The following MATN1 variants were observed in gnomAD, a reference collection of about 807,000 sequenced individuals.
MATN1 encodes the protein matrilin 1.
In MATN1, 34 loss-of-function variants were observed where a neutral mutation model predicts 41.3. The observed-to-expected ratio is 0.82, with a 90% CI of 0.63 to 1.10. The LOEUF is 1.10. MATN1 is among the 50% of genes least tolerant of loss of function. The probability of loss-of-function intolerance (pLI) is 0.00; values close to 1 mark genes in which losing one functional copy is unlikely to be tolerated. For missense variants in MATN1, 602 were observed against 662.4 expected, an observed-to-expected ratio of 0.91 and a Z score of 1.00; for synonymous variants, 264 against 278.7, an observed-to-expected ratio of 0.95 and a Z score of 0.53.
Position 30,721,701 on chromosome 1 carries a change from A to G in MATN1, c.145T>C (p.Ser49Pro), listed in dbSNP as rs1478714038. 6.2e-7 allele frequency: 1 copy of G among 1,613,002 alleles called. No homozygotes were observed. Among genetic ancestry groups the G allele is most frequent in the Non-Finnish European group, 8.5e-7 (1 of 1,180,008 alleles). The stretch of plus-strand genomic sequence containing the variant: ...AATTCAACAGGCCGAACGCTGCGAG[A>G]GCTGTCGACAACAAACACCAGGTCT... ...PTDLVFVVDS[S>P]RSVRPVEFEK... Residue 49 changes from serine (S) to proline (P), a missense_variant, in exon 2 of 8, where the codon TCT becomes CCT. Ser to Pro is a moderately conservative substitution (Grantham distance 74). Coordinates refer to ENST00000373765, the MANE Select transcript of MATN1 (RefSeq NM_002379.3).
rs751915676 is a variant in MATN1, at chr1:30,717,642, G to GTTTTTTTTTTTTTT, written c.665-728_665-727insAAAAAAAAAAAAAA. Among the ~76,000 whole-genome samples, 7 of 109,990 alleles carry GTTTTTTTTTTTTTT rather than the reference G, an allele frequency of 6.4e-5. 3 individuals are homozygous for GTTTTTTTTTTTTTT. The highest frequency in any genetic ancestry group is 2.2e-4 in the African/African-American group (5 of 23,008). The allele number at this position is 109,990 out of a possible 152,430, so 72.2% of individuals were successfully genotyped here. A position where few individuals can be genotyped will look rare whatever the true frequency, so the allele number is the denominator to read the frequency against. ...GGCTCTGTTGTTTTTTGTGTGTGCG[G>GTTTTTTTTTTTTTT]TTTTTTTTTTTGTTTTGTTTTTTTT... On this transcript the variant is annotated intron_variant, in intron 3 of 7. Coordinates refer to ENST00000373765, the MANE Select transcript of MATN1 (RefSeq NM_002379.3).
At position 30,716,225 on chromosome 1, in the gene MATN1, G is replaced by T; in HGVS notation, c.891C>A (p.Phe297Leu). 1 of 1,614,170 alleles carries T rather than the reference G, an allele frequency of 6.2e-7. No individual in the cohort carries two copies. The highest frequency in any genetic ancestry group is 8.5e-7 in the Non-Finnish European group (1 of 1,180,042). Residue 297 changes from phenylalanine (F) to leucine (L), a missense_variant, in exon 5 of 8, where the codon TTC (phenylalanine) becomes TTA (leucine). Physicochemically the swap from Phe to Leu is conservative, Grantham distance 22 (BLOSUM62 0). Transcript: ENST00000373765. ...CCAGCGTATCCACGATCTGACTGAT[G>T]AACTTCTTCACCAGCTCAAAGTTCT... The part of the protein sequence containing the change: ...RPENFELVKK[F>L]ISQIVDTLDV...
Position 30,713,374 on chromosome 1 carries a change from C to T in MATN1, c.*208G>A, listed in dbSNP as rs902748427. The T allele has an allele frequency of 2.3e-5, 13 of 565,858 alleles. No individual in the cohort carries two copies. Among genetic ancestry groups the T allele is most frequent in the Non-Finnish European group, 2.8e-5 (9 of 317,484 alleles). 35.1% of individuals were successfully genotyped at this position (565,858 alleles called of 1,614,324 possible). A position where few individuals can be genotyped will look rare whatever the true frequency, so the allele number is the denominator to read the frequency against. ...AGACTCATGCCCACCCTCAGGCGCACGTGCACACACACACACACACACACA... is the reference window on the plus strand; with the variant it reads ...AGACTCATGCCCACCCTCAGGCGCATGTGCACACACACACACACACACACA... On this transcript the variant is annotated 3_prime_UTR_variant, in exon 8 of 8. Transcript: ENST00000373765.
chr1:30,717,004 GC>G (rs994841262), intron 3 of MATN1, 89 bp from the exon 4 acceptor site: 2 of 1,386,512 alleles, frequency 1.4e-6, no homozygotes, highest in South Asian at 1.5e-5. Flanking sequence ...TGGATACCAG[GC>G]CCCATCCAGA....
intron 2 of MATN1, chr1:30,719,349 T>TG (rs1048218106): frequency 1.3e-4 from 29 of 216,404 alleles, no homozygotes; most frequent in African/African-American, 5.9e-4. Flanking sequence ...CGGGGCTGGG[T>TG]GGGGGGATCC....
rs1639692231 is a variant in MATN1 at position 30,721,405 on chromosome 1, C to T, written c.441G>A (p.Lys147=). ...TCCTAGCAGGGTGGCGTGCACGTACCTTGCTGATGTCAGGGGACCTGGAAC... is the reference window on the plus strand; with the variant it reads ...TCCTAGCAGGGTGGCGTGCACGTACTTTGCTGATGTCAGGGGACCTGGAAC... ...GGRSRSPDIS[K]VVIVVTDGRP... Residue 147 remains lysine, a splice_region_variant and synonymous_variant, in exon 2 of 8, where the codon AAG becomes AAA. Coordinates refer to ENST00000373765, the MANE Select transcript of MATN1 (RefSeq NM_002379.3). The T allele has an allele frequency of 1.2e-6, 2 of 1,605,372 alleles. No homozygotes were observed. The highest frequency in any genetic ancestry group is 3.3e-5 in the Admixed American group (2 of 59,846).
intron 2 of MATN1, chr1:30,719,361 G>A: frequency 4.9e-6 from 1 of 204,696 alleles, no homozygotes; most frequent in Non-Finnish European, 9.9e-6. Flanking sequence ...GGGGGATCCG[G>A]TGGTTCCACA....
Position 30,716,160 on chromosome 1 carries a change from T to C in MATN1, c.956A>G (p.Tyr319Cys), listed in dbSNP as rs755991773. 3.1e-6 allele frequency: 5 copies of C among 1,614,052 alleles called. No individual in the cohort carries two copies. Among genetic ancestry groups the C allele is most frequent in the Admixed American group, 1.7e-5 (1 of 60,010 alleles). ...DKLAQVGLVQ[Y>C]SSSVRQEFPL... is the part of the protein sequence containing the mutation. ...GAACTCCTGGCGCACAGAGCTTGAG[T>C]ACTGCACCAGCCCCACCTGGGCCAG... The change falls in exon 5 of 8, where the codon TAC (tyrosine) becomes TGC (cysteine). Residue 319 changes from tyrosine to cysteine, a missense_variant. Physicochemically the swap from Tyr to Cys is radical, Grantham distance 194 (BLOSUM62 -2). Transcript: ENST00000373765.
At chr1:30,722,082 A>G (rs551411887) in intron 1 of MATN1, among the ~76,000 whole-genome samples, 1 of 152,040 alleles carries the variant, frequency 6.6e-6, no homozygotes, top group South Asian at 2.1e-4. Context: ...GCAGGGGGCC[A>G]GGCAAGCAAT....
intron 3 of MATN1, among the ~76,000 whole-genome samples, chr1:30,717,641 G>GTTTTTTTTTTTTTTTTTTTT (rs1557450696): frequency 7.3e-6 from 1 of 136,794 alleles, no homozygotes; most frequent in African/African-American, 3.0e-5. Flanking sequence ...TTGTGTGTGC[G>GTTTTTTTTTTTTTTTTTTTT]GTTTTTTTTT....
chr1:30,716,399 C>G, intron 4 of MATN1, 74 bp from the exon 5 acceptor site: 2 of 1,426,876 alleles, frequency 1.4e-6, no homozygotes. Flanking sequence ...GCTGGACACC[C>G]ACCACACACC....
At position 30,712,159 on chromosome 1, in the gene MATN1, C is replaced by T. The variant is rs1342263697; in HGVS notation, c.*1423G>A. On this transcript the variant is annotated 3_prime_UTR_variant, in exon 8 of 8. Transcript: ENST00000373765. ...CTCTCAAGTGTGAATCTAGTAGTAA[C>T]ACTAAAAATGCTCCATTAAACAAGA... is the stretch of plus-strand genomic sequence containing the variant. 4 of 152,146 alleles carry T rather than the reference C, an allele frequency of 2.6e-5. No individual in the cohort carries two copies. In the East Asian group the frequency reaches 7.7e-4, roughly 29 times the overall value. 9.4% of individuals were successfully genotyped at this position (152,146 alleles called of 1,614,324 possible).
At position 30,718,815 on chromosome 1, in the gene MATN1, G is replaced by T. The variant is rs1444256536; in HGVS notation, c.584C>A (p.Pro195Gln). ...KATLRQIASE[P>Q]QDEHVDYVES... is the part of the protein sequence containing the mutation. Reference sequence around the variant, plus strand: ...CACGTAATCGACGTGTTCGTCCTGCGGCTCGCTGGCGATCTGCCGCAGCGT... The same window carrying T: ...CACGTAATCGACGTGTTCGTCCTGCTGCTCGCTGGCGATCTGCCGCAGCGT... The change falls in exon 3 of 8, where the codon CCG becomes CAG. Residue 195 changes from proline to glutamine, a missense_variant. Physicochemically the swap from Pro to Gln is moderately conservative, Grantham distance 76. Transcript: ENST00000373765. 6.2e-7 allele frequency: 1 copy of T among 1,609,874 alleles called. No individual in the cohort carries two copies. Among genetic ancestry groups the T allele is most frequent in the Admixed American group, 1.7e-5 (1 of 59,850 alleles).
rs10531531 is a variant in MATN1, at chr1:30,713,377, G to GCACACACA, written c.*197_*204dup. 3.6e-6 allele frequency: 2 copies of GCACACACA among 551,286 alleles called. No homozygotes were observed. The highest frequency in any genetic ancestry group is 3.9e-5 in the African/African-American group (2 of 51,814). The allele number at this position is 551,286 out of a possible 1,614,324, so 34.1% of individuals were successfully genotyped here. ...CTCATGCCCACCCTCAGGCGCACGT[G>GCACACACA]CACACACACACACACACACACACAT... is the stretch of plus-strand genomic sequence containing the variant. On this transcript the variant is annotated 3_prime_UTR_variant, in exon 8 of 8. Coordinates refer to ENST00000373765, the MANE Select transcript of MATN1 (RefSeq NM_002379.3).
Position 30,713,603 on chromosome 1 carries a change from G to T in MATN1, c.1470C>A (p.Ile490=), listed in dbSNP as rs1221922502. The T allele has an allele frequency of 3.2e-6, 5 of 1,553,976 alleles. No homozygotes were observed. The highest frequency in any genetic ancestry group is 3.5e-6 in the Non-Finnish European group (4 of 1,148,002). Residue 490 remains isoleucine, a synonymous_variant, in exon 8 of 8, where the codon ATC becomes ATA. Coordinates refer to ENST00000373765, the MANE Select transcript of MATN1 (RefSeq NM_002379.3). ...AGCCTTAGACAACTGTGTTCTCCAGGATGGCCAGCCGCTTACTCACAGCTT... is the reference window on the plus strand; with the variant it reads ...AGCCTTAGACAACTGTGTTCTCCAGTATGGCCAGCCGCTTACTCACAGCTT... The part of the protein sequence containing the change: ...KLEAVSKRLA[I]LENTVV
rs1453564063 is a variant in MATN1, at chr1:30,713,473, C to G, written c.*109G>C. The G allele has an allele frequency of 9.1e-7, 1 of 1,097,378 alleles. No homozygotes were observed. The highest frequency in any genetic ancestry group is 1.6e-5 in the African/African-American group (1 of 64,376). The allele number at this position is 1,097,378 out of a possible 1,614,324, so 68.0% of individuals were successfully genotyped here. A position where few individuals can be genotyped will look rare whatever the true frequency, so the allele number is the denominator to read the frequency against. On this transcript the variant is annotated 3_prime_UTR_variant, in exon 8 of 8. Coordinates refer to ENST00000373765, the MANE Select transcript of MATN1 (RefSeq NM_002379.3). ...CCATTACACGCTCTCAATAGGCACA[C>G]CCAGACACACCCCCTCCCACCCCCG... is the stretch of plus-strand genomic sequence containing the variant.
At position 30,715,163 on chromosome 1, in the gene MATN1, A is replaced by T; in HGVS notation, c.1354T>A (p.Cys452Ser). Residue 452 changes from cysteine to serine, a missense_variant, in exon 6 of 8, where the codon TGT (cysteine) becomes AGT (serine). Cys to Ser is a moderately radical substitution (Grantham distance 112). Coordinates refer to ENST00000373765, the MANE Select transcript of MATN1 (RefSeq NM_002379.3). ...CAGCCCTGGCCTCACTCACCCACACAGATCTTCTTCTGCAACTTCTTGCCT... is the reference window on the plus strand; with the variant it reads ...CAGCCCTGGCCTCACTCACCCACACTGATCTTCTTCTGCAACTTCTTGCCT... Reference protein sequence around the residue: ...QIGKKLQKKICVEEDPCACES... With the variant: ...QIGKKLQKKISVEEDPCACES... The T allele has an allele frequency of 6.2e-7, 1 of 1,614,088 alleles. No individual in the cohort carries two copies. The highest frequency in any genetic ancestry group is 1.3e-5 in the African/African-American group (1 of 75,012).
Position 30,718,908 on chromosome 1 carries a change from A to G in MATN1, c.491T>C (p.Val164Ala). The change falls in exon 3 of 8, where the codon GTG becomes GCG. Residue 164 changes from valine to alanine, a missense_variant. Transcript: ENST00000373765. ...DGRPQDSVQD[V>A]SARARASGVE... ...GCCGCTGGCCCGGGCCCGCGCAGAC[A>G]CGTCCTGCACGCTGTCCTGGGGCCT... 6.4e-7 allele frequency: 1 copy of G among 1,569,804 alleles called. No individual in the cohort carries two copies. Among genetic ancestry groups the G allele is most frequent in the Non-Finnish European group, 8.6e-7 (1 of 1,163,048 alleles).
At position 30,712,020 on chromosome 1, in the gene MATN1, T is replaced by G. The variant is rs1639552464; in HGVS notation, c.*1562A>C. ...AGTCGCGCTTGTGTATTTGTGCTGTTGTACTGATGTAGCTCTTGGGTACCG... is the reference window on the plus strand; with the variant it reads ...AGTCGCGCTTGTGTATTTGTGCTGTGGTACTGATGTAGCTCTTGGGTACCG... On this transcript the variant is annotated 3_prime_UTR_variant, in exon 8 of 8. Coordinates refer to ENST00000373765, the MANE Select transcript of MATN1 (RefSeq NM_002379.3). 1 of 152,586 alleles carries G rather than the reference T, an allele frequency of 6.6e-6. No homozygotes were observed. The highest frequency in any genetic ancestry group is 2.4e-5 in the African/African-American group (1 of 41,444). 9.5% of individuals were successfully genotyped at this position (152,586 alleles called of 1,614,324 possible).
Sources: gnomAD v4.1 joint callset for allele counts (sites outside exome capture counted in the v4.1 genomes callset) on GRCh38, gnomAD v4.1.1 for gene constraint, MANE v1.5 for transcripts, NCBI Gene and HGNC (gene_info 2026-07-23, HGNC 2026-07-21) for gene names.